The following PDE9A variants were observed in gnomAD, a reference collection of about 807,000 sequenced individuals.
The protein encoded by PDE9A is phosphodiesterase 9A, also known as high affinity cGMP-specific 3',5'-cyclic phosphodiesterase 9A.
A neutral mutation model predicts 87.4 loss-of-function variants in PDE9A; 60 were observed. The observed-to-expected ratio is 0.69, with a 90% CI of 0.56 to 0.85. PDE9A has a LOEUF of 0.85. Among genes scored for constraint, PDE9A ranks in the 40% least tolerant of loss-of-function variants. PDE9A has a pLI of 0.00. For missense variants in PDE9A, 665 were observed against 779.0 expected, an observed-to-expected ratio of 0.85 and a Z score of 1.74; for synonymous variants, 272 against 279.4, an observed-to-expected ratio of 0.97 and a Z score of 0.27.
At chr21:42,676,954 C>T (rs1017446717) in intron 1 of PDE9A, among the ~76,000 whole-genome samples, 6 of 152,208 alleles carry the variant, frequency 3.9e-5, no homozygotes, top group South Asian at 4.1e-4. Context: ...TACAGCAGGG[C>T]GGGCACCAGC....
In PDE9A at chr21:42,694,668, C is replaced by T. The variant is rs961799421; in HGVS notation, c.219-4300C>T. On this transcript the variant is annotated intron_variant, in intron 3 of 19. Coordinates refer to ENST00000291539, the MANE Select transcript of PDE9A (RefSeq NM_002606.3). The surrounding 1 kb of genome is among the most constrained non-coding windows in gnomAD (Gnocchi z 5.3). ...TTGGTGGCTGGCTCCTGTTGTGGAC[C>T]GCATCTCACAGGTGGACTTCCTGGT... is the stretch of plus-strand genomic sequence containing the variant. Among the ~76,000 whole-genome samples, 4 of 152,142 alleles carry T rather than the reference C, an allele frequency of 2.6e-5. No homozygotes were observed. The highest frequency in any genetic ancestry group is 1.9e-4 in the East Asian group (1 of 5,190).
intron 4 of PDE9A, among the ~76,000 whole-genome samples, chr21:42,716,998 C>G (rs946022605): frequency 4.0e-5 from 6 of 151,102 alleles, no homozygotes; most frequent in Non-Finnish European, 8.9e-5. Flanking sequence ...GTGATCCACC[C>G]GCCTCAGCCT....
intron 15 of PDE9A, among the ~76,000 whole-genome samples, chr21:42,767,647 G>A (rs912308918): frequency 2.0e-5 from 3 of 152,196 alleles, no homozygotes; most frequent in African/African-American, 7.2e-5. Context: ...TTCAGAGCCT[G>A]GATGGCAACC....
At position 42,760,285 on chromosome 21, in the gene PDE9A, C is replaced by A; in HGVS notation, c.898-43C>A. On this transcript the variant is annotated intron_variant, in intron 11 of 19. Transcript: ENST00000291539. This position sits in a 1 kb window ranked among gnomAD's most constrained non-coding sequence, Gnocchi z 5.2. ...GGGTGGCTTTGGGAGGAGAGGTGGG[C>A]GGGCCCAGGCACAGGGTGACTCGGA... The A allele has an allele frequency of 1.7e-6, 2 of 1,192,274 alleles. No homozygotes were observed. The highest frequency in any genetic ancestry group is 2.5e-6 in the Non-Finnish European group (2 of 804,792). 73.9% of individuals were successfully genotyped at this position (1,192,274 alleles called of 1,614,324 possible).
At position 42,774,096 on chromosome 21, in the gene PDE9A, ATAAG is replaced by A. The variant is rs533696664; in HGVS notation, c.1769-1180_1769-1177del. ...TCTGTCTCAAAAAAAATATAAATAAATAAGTAAATAATAAATAAGGTCAGACTCC... is the reference window on the plus strand; with the variant it reads ...TCTGTCTCAAAAAAAATATAAATAAATAAATAATAAATAAGGTCAGACTCC... On this transcript the variant is annotated intron_variant, in intron 19 of 19. Transcript: ENST00000291539. Among the ~76,000 whole-genome samples the A allele has an allele frequency of 1.9e-3, 294 of 152,244 alleles. 7 individuals are homozygous for A. Among genetic ancestry groups the A allele is most frequent in the Admixed American group, 4.3e-3 (66 of 15,284 alleles).
At chr21:42,774,504 A>G (rs2057338047) in intron 19 of PDE9A, among the ~76,000 whole-genome samples, 1 of 152,180 alleles carries the variant, frequency 6.6e-6, no homozygotes, top group African/African-American at 2.4e-5. Context: ...CATATTTTTC[A>G]GTGGGTCAGA....
chr21:42,745,214 CG>C (rs2053717293), intron 8 of PDE9A, among the ~76,000 whole-genome samples: 1 of 152,156 alleles, frequency 6.6e-6, no homozygotes, highest in Non-Finnish European at 1.5e-5. Context: ...CTCAAAGCCC[CG>C]GGGGCCTGGC....
intron 1 of PDE9A, among the ~76,000 whole-genome samples, chr21:42,655,104 TCACA>T (rs376727348): frequency 6.6e-6 from 1 of 150,628 alleles, no homozygotes; most frequent in African/African-American, 2.4e-5. Flanking sequence ...GCATGCACAC[TCACA>T]CACACACACA....
chr21:42,658,859 C>T (rs1258797557), intron 1 of PDE9A, among the ~76,000 whole-genome samples: 5 of 152,180 alleles, frequency 3.3e-5, no homozygotes, highest in Non-Finnish European at 5.9e-5. Context: ...GGGTCAGTCA[C>T]ACCCTTTTGG....
chr21:42,700,452 A>G (rs1240593527), intron 4 of PDE9A, among the ~76,000 whole-genome samples: 19 of 152,274 alleles, frequency 1.2e-4, no homozygotes, highest in Non-Finnish European at 2.9e-5. Flanking sequence ...CTAAGAGTGG[A>G]TATAAGAGTC....
intron 3 of PDE9A, among the ~76,000 whole-genome samples, chr21:42,693,162 G>A (rs1334039347): frequency 1.3e-5 from 2 of 152,230 alleles, no homozygotes; most frequent in African/African-American, 2.4e-5. Flanking sequence ...GCCTGAGAGC[G>A]AGACGCATGC....
chr21:42,682,567 C>G (rs2059226704), intron 1 of PDE9A, among the ~76,000 whole-genome samples: 1 of 152,212 alleles, frequency 6.6e-6, no homozygotes, highest in African/African-American at 2.4e-5. Context: ...GGTTAGGAAG[C>G]CAAGCATAAA....
chr21:42,664,810 ACT>A (rs1330693206), intron 1 of PDE9A, among the ~76,000 whole-genome samples: 4 of 151,916 alleles, frequency 2.6e-5, no homozygotes, highest in Non-Finnish European at 4.4e-5. Context: ...CTTGCGAGAG[ACT>A]CAGTTTCCTC....
chr21:42,766,384 C>T (rs1254512883), intron 15 of PDE9A, among the ~76,000 whole-genome samples: 1 of 152,116 alleles, frequency 6.6e-6, no homozygotes, highest in Non-Finnish European at 1.5e-5. Context: ...AGAGAGAAAG[C>T]TGGTTTTGTG....
At chr21:42,708,035 A>G (rs929971349) in intron 4 of PDE9A, among the ~76,000 whole-genome samples, 1 of 152,208 alleles carries the variant, frequency 6.6e-6, no homozygotes, top group African/African-American at 2.4e-5. Flanking sequence ...CTGGAAGCCA[A>G]GTTAATGCTG....
chr21:42,670,180 T>C (rs549492458), intron 1 of PDE9A, among the ~76,000 whole-genome samples: 25 of 132,894 alleles, frequency 1.9e-4, no homozygotes, highest in South Asian at 1.2e-3. Context: ...CACGCACACA[T>C]ACACTTACAC....
intron 1 of PDE9A, among the ~76,000 whole-genome samples, chr21:42,662,089 C>G (rs962400450): frequency 1.3e-5 from 2 of 152,146 alleles, no homozygotes; most frequent in African/African-American, 4.8e-5. Context: ...TGGGCTAATA[C>G]GCGTCAAATG....
chr21:42,693,582 G>A (rs956758100), intron 3 of PDE9A, among the ~76,000 whole-genome samples: 10 of 145,288 alleles, frequency 6.9e-5, no homozygotes, highest in Non-Finnish European at 1.3e-4. Context: ...GAGCCACCGC[G>A]TCCTACTTTT....
At chr21:42,689,287 C>G (rs183642934) in intron 3 of PDE9A, among the ~76,000 whole-genome samples, 1 of 152,252 alleles carries the variant, frequency 6.6e-6, no homozygotes, top group Non-Finnish European at 1.5e-5. Flanking sequence ...TGGCTGTGCC[C>G]GTCAGTCTCC....
Sources: allele counts gnomAD v4.1 joint callset (sites outside exome capture counted in the v4.1 genomes callset), GRCh38; gene constraint gnomAD v4.1.1; non-coding constraint Gnocchi (gnomAD v3.1); transcripts MANE v1.5; gene names NCBI Gene and HGNC (gene_info 2026-07-23, HGNC 2026-07-21).